Variants in DOCK4 observed in about 807,000 individuals in gnomAD.
DOCK4 encodes dedicator of cytokinesis protein 4.
In DOCK4, 97 loss-of-function variants were observed where a neutral mutation model predicts 268.1. The ratio of observed to expected loss-of-function variants is 0.36; its 90% CI spans 0.31 to 0.43. The LOEUF (loss-of-function observed/expected upper bound fraction) is 0.43. Among genes scored for constraint, DOCK4 ranks in the 20% least tolerant of loss-of-function variants. DOCK4 has a pLI of 1.00. For synonymous variants in DOCK4, 954 were observed against 887.2 expected (o/e 1.08, Z -1.34); for missense variants, 2,145 against 2,455.7 (o/e 0.87, Z 2.67).
At chr7:112,022,040 T>A (rs1292830428) in intron 1 of DOCK4, among the ~76,000 whole-genome samples, 2 of 152,228 alleles carry the variant, frequency 1.3e-5, no homozygotes, top group Non-Finnish European at 2.9e-5. Context: ...AGCAGGGACA[T>A]TAACTTGGTA....
At chr7:111,987,266 CATA>C (rs1267753112) in intron 6 of DOCK4, among the ~76,000 whole-genome samples, 2 of 152,154 alleles carry the variant, frequency 1.3e-5, no homozygotes, top group Non-Finnish European at 2.9e-5. Context: ...ATGATTCAGT[CATA>C]ATTAATGTTT....
At chr7:111,861,525 T>C (rs1805513701) in intron 23 of DOCK4, among the ~76,000 whole-genome samples, 1 of 151,956 alleles carries the variant, frequency 6.6e-6, no homozygotes, top group Non-Finnish European at 1.5e-5. Flanking sequence ...GGTGGGTGGA[T>C]CACCTGAGGT....
At chr7:112,060,070 A>C (rs1806259874) in intron 1 of DOCK4, among the ~76,000 whole-genome samples, 1 of 152,246 alleles carries the variant, frequency 6.6e-6, no homozygotes, top group Non-Finnish European at 1.5e-5. Context: ...CCAAGTTCAT[A>C]GGACACACTT....
In DOCK4 at chr7:111,867,975, A is replaced by G; in HGVS notation, c.2280+9T>C. 1 of 1,576,206 alleles carries G rather than the reference A, an allele frequency of 6.3e-7. No individual in the cohort carries two copies. The highest frequency in any genetic ancestry group is 8.6e-7 in the Non-Finnish European group (1 of 1,163,640). The stretch of plus-strand genomic sequence containing the variant: ...TTTCTTCTATTCAGCATAGATGAAA[A>G]GAAATTACCTGTGACTGAGATAATG... On this transcript the variant is annotated intron_variant, in intron 22 of 52. Transcript: ENST00000428084.
At chr7:112,047,943 C>T (rs1260108777) in intron 1 of DOCK4, among the ~76,000 whole-genome samples, 1 of 152,142 alleles carries the variant, frequency 6.6e-6, no homozygotes, top group African/African-American at 2.4e-5. Context: ...CTCCCACCTT[C>T]ACCTCCCAAA....
chr7:111,983,853 C>CGTGT (rs1230037352), intron 7 of DOCK4, among the ~76,000 whole-genome samples: 3 of 97,448 alleles, frequency 3.1e-5, no homozygotes, highest in African/African-American at 1.2e-4. Context: ...CACGCGCGCG[C>CGTGT]GCGCGCGCGC....
At chr7:111,902,131 C>A (rs1334403595) in intron 13 of DOCK4, among the ~76,000 whole-genome samples, 1 of 152,216 alleles carries the variant, frequency 6.6e-6, no homozygotes, top group East Asian at 1.9e-4. Context: ...AAAATGACAG[C>A]CTAGCAGGGG....
intron 1 of DOCK4, among the ~76,000 whole-genome samples, chr7:112,137,208 A>C (rs998877639): frequency 6.6e-6 from 1 of 152,208 alleles, no homozygotes; most frequent in Non-Finnish European, 1.5e-5. Context: ...ATATTTCATT[A>C]AAAGTTTTGG....
At chr7:111,919,728 C>T (rs1792944202) in intron 12 of DOCK4, among the ~76,000 whole-genome samples, 2 of 152,274 alleles carry the variant, frequency 1.3e-5, no homozygotes, top group South Asian at 4.1e-4. Flanking sequence ...CAGTGTTTGA[C>T]CACAGTGTAT....
intron 7 of DOCK4, 79 bp from the exon 8 acceptor site, chr7:111,977,362 G>A: frequency 6.8e-7 from 1 of 1,474,534 alleles, no homozygotes; most frequent in Admixed American, 2.2e-5. Context: ...AGTTAGCTAT[G>A]AGGTGACTGT....
intron 1 of DOCK4, among the ~76,000 whole-genome samples, chr7:112,047,585 T>C (rs940919381): frequency 6.6e-6 from 1 of 152,152 alleles, no homozygotes; most frequent in Non-Finnish European, 1.5e-5. Context: ...CAAACAAAAC[T>C]ACTAATGGGA....
chr7:111,948,313 A>T (rs1401417317), intron 8 of DOCK4, among the ~76,000 whole-genome samples: 1 of 152,174 alleles, frequency 6.6e-6, no homozygotes, highest in Non-Finnish European at 1.5e-5. Flanking sequence ...ATTCTATTCC[A>T]TGTATTAATT....
chr7:111,796,268 C>T (rs372967985), intron 30 of DOCK4, among the ~76,000 whole-genome samples: 10 of 152,332 alleles, frequency 6.6e-5, no homozygotes, highest in African/African-American at 2.4e-4. Flanking sequence ...CCAAACACAA[C>T]CCTCAGACCT....
At chr7:112,025,609 A>G (rs986743246) in intron 1 of DOCK4, among the ~76,000 whole-genome samples, 5 of 151,052 alleles carry the variant, frequency 3.3e-5, no homozygotes, top group African/African-American at 1.2e-4. Context: ...AACGAAGTCA[A>G]TCATATCCCT....
intron 34 of DOCK4, 62 bp downstream of exon 34, chr7:111,783,795 T>C (rs1159604623): frequency 2.9e-6 from 4 of 1,397,526 alleles, no homozygotes; most frequent in Non-Finnish European, 4.0e-6. Flanking sequence ...TGTATTCTAT[T>C]TGATTTTCTA....
chr7:111,812,715 G>C (rs1348220361), intron 27 of DOCK4, among the ~76,000 whole-genome samples: 1 of 152,180 alleles, frequency 6.6e-6, no homozygotes, highest in Non-Finnish European at 1.5e-5. Context: ...TAAGGTATTA[G>C]AGGGCATGCA....
intron 15 of DOCK4, among the ~76,000 whole-genome samples, chr7:111,899,323 G>A (rs1399695502): frequency 2.0e-5 from 3 of 152,174 alleles, no homozygotes; most frequent in Admixed American, 1.3e-4. Flanking sequence ...CTGGAAGAGA[G>A]CCTGCTGCTT....
chr7:111,942,355 T>C (rs907549527), intron 10 of DOCK4, among the ~76,000 whole-genome samples: 25 of 152,216 alleles, frequency 1.6e-4, no homozygotes, highest in Admixed American at 1.5e-3. Context: ...CTTTTCCTAC[T>C]AAATAGGTAC....
At chr7:111,737,350 G>C (rs1312340114) in intron 49 of DOCK4, among the ~76,000 whole-genome samples, 1 of 151,878 alleles carries the variant, frequency 6.6e-6, no homozygotes, top group African/African-American at 2.4e-5. Context: ...GGTCTTGAAT[G>C]CCTGGGCTCA....
Sources: gnomAD v4.1 joint callset for allele counts (sites outside exome capture counted in the v4.1 genomes callset) on GRCh38, gnomAD v4.1.1 for gene constraint, MANE v1.5 for transcripts, NCBI Gene and HGNC (gene_info 2026-07-23, HGNC 2026-07-21) for gene names.